Variants in TM2D3 observed in about 807,000 individuals in gnomAD.
TM2D3 encodes TM2 domain containing 3, also known as TM2 domain-containing protein 3.
Under a neutral mutation model 27.3 loss-of-function variants are expected in TM2D3, and 33 were observed. The ratio of observed to expected loss-of-function variants is 1.21; its 90% CI spans 0.92 to 1.61. TM2D3 has a LOEUF of 1.61. Ranked by LOEUF, TM2D3 falls within the 40% of genes most tolerant of loss-of-function variation. The probability of loss-of-function intolerance (pLI) is 0.00; values close to 1 mark genes in which losing one functional copy is unlikely to be tolerated. For synonymous variants in TM2D3, 138 were observed against 122.2 expected, an observed-to-expected ratio of 1.13 and a Z score of -0.85; for missense variants, 364 against 320.8, an observed-to-expected ratio of 1.13 and a Z score of -1.03.
Position 101,642,310 on chromosome 15 carries a change from T to C in TM2D3, c.*169A>G. ...TATATTTCAGGCAAATAAAAACAAATTCCAGATTAGCATAGTTCAGCGTTT... is the reference window on the plus strand; with the variant it reads ...TATATTTCAGGCAAATAAAAACAAACTCCAGATTAGCATAGTTCAGCGTTT... On this transcript the variant is annotated 3_prime_UTR_variant, in exon 6 of 6. Coordinates refer to ENST00000333202, the MANE Select transcript of TM2D3 (RefSeq NM_078474.3). The C allele has an allele frequency of 7.8e-7, 1 of 1,287,300 alleles. No homozygotes were observed. Among genetic ancestry groups the C allele is most frequent in the Admixed American group, 3.6e-5 (1 of 27,992 alleles). The allele number at this position is 1,287,300 out of a possible 1,614,324, so 79.7% of individuals were successfully genotyped here. A position where few individuals can be genotyped will look rare whatever the true frequency, so the allele number is the denominator to read the frequency against.
At position 101,644,963 on chromosome 15, in the gene TM2D3, A is replaced by G. The variant is rs113384391; in HGVS notation, c.578+124T>C. The G allele has an allele frequency of 7.3e-6, 6 of 826,538 alleles. No individual in the cohort carries two copies. In the Admixed American group the frequency reaches 1.5e-4, roughly 21 times the overall value. 51.2% of individuals were successfully genotyped at this position (826,538 alleles called of 1,614,324 possible). A position where few individuals can be genotyped will look rare whatever the true frequency, so the allele number is the denominator to read the frequency against. ...ATCTAAACTCTTCCAGCTGTTTGCT[A>G]GAGTCTAACACACGTGGTAGGATCT... On this transcript the variant is annotated intron_variant, in intron 5 of 5. Coordinates refer to ENST00000333202, the MANE Select transcript of TM2D3 (RefSeq NM_078474.3).
intron 2 of TM2D3, 110 bp downstream of exon 2, chr15:101,651,586 T>A (rs1362642026): frequency 4.7e-6 from 5 of 1,069,252 alleles, no homozygotes; most frequent in Non-Finnish European, 7.0e-6. Flanking sequence ...ATACAATAAA[T>A]ATTCAAAAAT....
At chr15:101,639,677 C>T (rs749695685), downstream of TM2D3, among the ~76,000 whole-genome samples, 18 of 151,998 alleles carry the variant, frequency 1.2e-4, no homozygotes, top group Non-Finnish European at 2.5e-4. Context: ...TCTTTTTATA[C>T]GCACCATAAA....
chr15:101,636,926 A>C (rs917430161), downstream of TM2D3: 1 of 439,618 alleles, frequency 2.3e-6, no homozygotes, highest in African/African-American at 2.0e-5. Context: ...GTCGATGAAG[A>C]GTCCAACTCT....
chr15:101,643,412 C>T (rs941083011), intron 5 of TM2D3, among the ~76,000 whole-genome samples: 1 of 151,824 alleles, frequency 6.6e-6, no homozygotes, highest in Non-Finnish European at 1.5e-5. Context: ...ACCATCCTGG[C>T]TAACACGGTG....
At chr15:101,641,085 G>C (rs1020306722), downstream of TM2D3, among the ~76,000 whole-genome samples, 2 of 152,204 alleles carry the variant, frequency 1.3e-5, no homozygotes, top group African/African-American at 4.8e-5. Flanking sequence ...AGACTCAGGA[G>C]ACATTTTTAT....
intron 5 of TM2D3, among the ~76,000 whole-genome samples, chr15:101,643,711 G>T (rs1896732160): frequency 6.8e-6 from 1 of 147,980 alleles, no homozygotes; most frequent in African/African-American, 2.5e-5. Flanking sequence ...GGTTAACAAT[G>T]TAGGGAAACC....
chr15:101,644,130 G>A (rs1896744187), intron 5 of TM2D3, among the ~76,000 whole-genome samples: 1 of 152,196 alleles, frequency 6.6e-6, no homozygotes, highest in Admixed American at 6.5e-5. Flanking sequence ...ACAGGTGTGA[G>A]CCATCGCGCC....
intron 3 of TM2D3, among the ~76,000 whole-genome samples, chr15:101,648,055 G>A (rs750171324): frequency 1.6e-4 from 24 of 151,936 alleles, no homozygotes; most frequent in Non-Finnish European, 2.4e-4. Flanking sequence ...ACCCCACCAC[G>A]CCCAGCTAAT....
rs150537267 is a variant in TM2D3, at chr15:101,650,994, C to A, written c.169+702G>T. ...AAATATCTCTGCCAGTTTCAATTCA[C>A]TGAAGTAATGTCACTTTAAAGTGAT... is the stretch of plus-strand genomic sequence containing the variant. On this transcript the variant is annotated intron_variant, in intron 2 of 5. Transcript: ENST00000333202. 3.9e-5 allele frequency: 6 copies of A among 152,468 alleles called. No individual in the cohort carries two copies. In the East Asian group the frequency reaches 1.2e-3, roughly 29 times the overall value. 9.4% of individuals were successfully genotyped at this position (152,468 alleles called of 1,614,324 possible).
chr15:101,648,837 AT>A (rs34228134), intron 3 of TM2D3, among the ~76,000 whole-genome samples: 1 of 112,282 alleles, frequency 8.9e-6, no homozygotes, highest in Non-Finnish European at 1.7e-5. Flanking sequence ...CAGCTAAAAA[AT>A]AAGCACACTT....
intron 4 of TM2D3, chr15:101,645,512 G>C (rs1273932912): frequency 1.6e-5 from 4 of 248,622 alleles, no homozygotes; most frequent in Admixed American, 5.4e-5. Context: ...TCATGTATGA[G>C]TGTTATGACA....
chr15:101,650,116 C>A lies in TM2D3; in HGVS notation c.215G>T (p.Gly72Val). 1 of 1,614,116 alleles carries A rather than the reference C, an allele frequency of 6.2e-7. No homozygotes were observed. Among genetic ancestry groups the A allele is most frequent in the Non-Finnish European group, 8.5e-7 (1 of 1,179,988 alleles). The change falls in exon 3 of 6, where the codon GGT (glycine) becomes GTT (valine). Residue 72 changes from glycine to valine, a missense_variant. Physicochemically the swap from Gly to Val is moderately radical, Grantham distance 109 (BLOSUM62 -3). Transcript: ENST00000333202. Reference protein sequence around the residue: ...PPYVMKCPSNGLCSRLPADCI... With the variant: ...PPYVMKCPSNVLCSRLPADCI... ...GTCTGCAGGAAGCCTGCTACACAAA[C>A]CATTGCTCGGACACTTCATCACATA...
At chr15:101,638,512 G>C (rs182593430), downstream of TM2D3, among the ~76,000 whole-genome samples, 45 of 152,210 alleles carry the variant, frequency 3.0e-4, no homozygotes, top group African/African-American at 1.1e-3. Flanking sequence ...TGGCCAGGCT[G>C]GTCTCGAACT....
intron 4 of TM2D3, chr15:101,635,733 G>C (rs1896537851): frequency 6.6e-6 from 1 of 152,196 alleles, no homozygotes; most frequent in Admixed American, 6.5e-5. Flanking sequence ...CAGGGCTCAG[G>C]AGGGTGCATG....
chr15:101,645,799 A>G (rs1896789403), intron 4 of TM2D3: 2 of 147,910 alleles, frequency 1.4e-5, no homozygotes, highest in Admixed American at 6.8e-5. Context: ...GTTCATGAAA[A>G]TATACAATAA....
chr15:101,650,170 G>A lies in TM2D3; in HGVS notation c.170-9C>T. 3 of 1,610,858 alleles carry A rather than the reference G, an allele frequency of 1.9e-6. No homozygotes were observed. The highest frequency in any genetic ancestry group is 2.2e-5 in the East Asian group (1 of 44,816). On this transcript the variant is annotated splice_polypyrimidine_tract_variant and intron_variant, in intron 2 of 5. Transcript: ENST00000333202. ...TGGGATTTCAGTACTTTCTGTGAGA[G>A]GCAAGAGAGAAGCTTATTCTCCTAT...
intron 4 of TM2D3, chr15:101,646,473 A>G: frequency 6.4e-6 from 2 of 312,346 alleles, no homozygotes; most frequent in Non-Finnish European, 1.3e-5. Context: ...GTAAAGGTCA[A>G]TTACTGTGTA....
intron 4 of TM2D3, chr15:101,646,445 C>G: frequency 1.9e-5 from 4 of 208,428 alleles, no homozygotes; most frequent in South Asian, 3.9e-5. Context: ...ATTGGTGCTG[C>G]TTTCATTGTT....
Sources: allele counts gnomAD v4.1 joint callset (sites outside exome capture counted in the v4.1 genomes callset), GRCh38; gene constraint gnomAD v4.1.1; transcripts MANE v1.5; gene names NCBI Gene and HGNC (gene_info 2026-07-23, HGNC 2026-07-21).